RBFOX3: variants seen among roughly 807,000 people sequenced by gnomAD.
RBFOX3 encodes the protein RNA binding protein fox-1 homolog 3.
RBFOX3 carries 17 observed loss-of-function variants against 48.7 expected under a neutral mutation model. That is an observed-to-expected ratio of 0.35 (90% confidence interval 0.24 to 0.52). The LOEUF (loss-of-function observed/expected upper bound fraction) is 0.52, where lower values mean the gene tolerates loss of function less well. RBFOX3 is among the 20% of genes least tolerant of loss of function. The pLI is 0.94. For missense variants in RBFOX3, 382 were observed against 497.5 expected, an observed-to-expected ratio of 0.77 and a Z score of 2.21; for synonymous variants, 212 against 209.5, an observed-to-expected ratio of 1.01 and a Z score of -0.10.
chr17:79,176,633 C>T lies in RBFOX3; in HGVS notation c.-34+59133G>A, dbSNP rs370179948. ...CACAGCCCCCGACAAGCCAAGTCTGCCTGGTGGATGGGTTGGCTGGAGGGG... is the reference window on the plus strand; with the variant it reads ...CACAGCCCCCGACAAGCCAAGTCTGTCTGGTGGATGGGTTGGCTGGAGGGG... On this transcript the variant is annotated intron_variant, in intron 4 of 14. Coordinates refer to ENST00000693108, the MANE Select transcript of RBFOX3 (RefSeq NM_001350451.2). Among the ~76,000 whole-genome samples the T allele has an allele frequency of 4.6e-4, 70 of 152,282 alleles. 1 individual carries two copies. In the East Asian group the frequency reaches 0.011, roughly 24 times the overall value.
intron 3 of RBFOX3, among the ~76,000 whole-genome samples, chr17:79,248,793 C>T (rs1300860409): frequency 6.6e-6 from 1 of 152,216 alleles, no homozygotes; most frequent in Non-Finnish European, 1.5e-5. Flanking sequence ...GGGACTGAGG[C>T]TGGCAGGGAG....
At chr17:79,133,403 T>C (rs1163253885) in intron 4 of RBFOX3, among the ~76,000 whole-genome samples, 1 of 150,056 alleles carries the variant, frequency 6.7e-6, no homozygotes, top group African/African-American at 2.4e-5. Context: ...GAGCACCTAC[T>C]AGGTTTGCTG....
intron 1 of RBFOX3, among the ~76,000 whole-genome samples, chr17:79,569,853 A>G (rs2092602467): frequency 6.6e-6 from 1 of 152,174 alleles, no homozygotes; most frequent in South Asian, 2.1e-4. Flanking sequence ...GATAGTAGAG[A>G]AGGAATGGAC....
rs1248963230 is a variant in RBFOX3 at position 79,383,816 on chromosome 17, G to A, written c.-174-75992C>T. Among the ~76,000 whole-genome samples the A allele has an allele frequency of 3.9e-5, 6 of 152,206 alleles. No individual in the cohort carries two copies. The East Asian group carries it at 9.6e-4, about 24-fold the overall frequency. On this transcript the variant is annotated intron_variant, in intron 2 of 14. Transcript: ENST00000693108. ...TCCTGGCACACAACACCCGGGAGAT[G>A]CTGCTGGAAGAGCAGAAAGAGGCCT...
At chr17:79,519,561 A>T (rs2149973365) in intron 1 of RBFOX3, among the ~76,000 whole-genome samples, 1 of 151,110 alleles carries the variant, frequency 6.6e-6, no homozygotes, top group Admixed American at 6.6e-5. Context: ...TGCTGTCAGG[A>T]TCACAGCATC....
chr17:79,557,414 G>A (rs887656352), intron 1 of RBFOX3, among the ~76,000 whole-genome samples: 33 of 112,948 alleles, frequency 2.9e-4, no homozygotes, highest in African/African-American at 1.1e-3. Flanking sequence ...TCCAAACCCC[G>A]AGAAAACCCA....
intron 2 of RBFOX3, among the ~76,000 whole-genome samples, chr17:79,340,010 G>A (rs957856851): frequency 6.6e-6 from 1 of 152,158 alleles, no homozygotes; most frequent in African/African-American, 2.4e-5. Context: ...TTAAACTTCT[G>A]AGCATGGGCC....
intron 4 of RBFOX3, among the ~76,000 whole-genome samples, chr17:79,118,530 G>A (rs183658011): frequency 2.0e-5 from 3 of 152,248 alleles, no homozygotes; most frequent in East Asian, 3.9e-4. Context: ...CAGGAAAACA[G>A]GAGCAAGAGA....
chr17:79,274,762 G>T (rs1207768857), intron 3 of RBFOX3, among the ~76,000 whole-genome samples: 1 of 151,962 alleles, frequency 6.6e-6, no homozygotes, highest in Admixed American at 6.6e-5. Flanking sequence ...TCCCCTGCCT[G>T]CAGCTTCAGC....
At chr17:79,270,207 C>G (rs540485300) in intron 3 of RBFOX3, among the ~76,000 whole-genome samples, 4 of 152,300 alleles carry the variant, frequency 2.6e-5, no homozygotes, top group Admixed American at 1.3e-4. Flanking sequence ...TTTCCCAACT[C>G]CTCTGCCAGG....
At chr17:79,337,934 T>C (rs2081445972) in intron 2 of RBFOX3, among the ~76,000 whole-genome samples, 1 of 150,402 alleles carries the variant, frequency 6.6e-6, no homozygotes, top group African/African-American at 2.5e-5. Flanking sequence ...CTGGCATACT[T>C]CTCCAGATTT....
At chr17:79,496,256 C>T (rs2081522216) in intron 1 of RBFOX3, among the ~76,000 whole-genome samples, 1 of 152,004 alleles carries the variant, frequency 6.6e-6, no homozygotes, top group Non-Finnish European at 1.5e-5. Flanking sequence ...TCCTTGGCGT[C>T]CTGTTACAGC....
At position 79,451,961 on chromosome 17, in the gene RBFOX3, A is replaced by G. The variant is rs1025309518; in HGVS notation, c.-175+30493T>C. Among the ~76,000 whole-genome samples, 8 of 152,248 alleles carry G rather than the reference A, an allele frequency of 5.3e-5. 1 individual carries two copies. Among genetic ancestry groups the G allele is most frequent in the Admixed American group, 2.6e-4 (4 of 15,294 alleles). On this transcript the variant is annotated intron_variant, in intron 2 of 14. Coordinates refer to ENST00000693108, the MANE Select transcript of RBFOX3 (RefSeq NM_001350451.2). ...ACTGGCACCCTCATCCACACAAATT[A>G]CAGGGGGGTACCAACACCCGCAGGG... is the stretch of plus-strand genomic sequence containing the variant.
At chr17:79,170,949 C>T (rs1202711762) in intron 4 of RBFOX3, among the ~76,000 whole-genome samples, 2 of 152,172 alleles carry the variant, frequency 1.3e-5, no homozygotes, top group African/African-American at 4.8e-5. Flanking sequence ...GTCCTGTTCA[C>T]AGATCCACTG....
intron 4 of RBFOX3, among the ~76,000 whole-genome samples, chr17:79,183,910 T>TCCC (rs974688237): frequency 1.3e-5 from 2 of 151,074 alleles, no homozygotes; most frequent in Non-Finnish European, 2.9e-5. Context: ...GCGCCCCTCC[T>TCCC]CCCCCCCGTT....
intron 2 of RBFOX3, among the ~76,000 whole-genome samples, chr17:79,322,591 G>T (rs2078694607): frequency 6.6e-6 from 1 of 152,216 alleles, no homozygotes; most frequent in Non-Finnish European, 1.5e-5. Context: ...CAAAGGCAAT[G>T]GTGGCCAAGC....
chr17:79,156,905 T>C (rs2045933382), intron 4 of RBFOX3, among the ~76,000 whole-genome samples: 1 of 152,182 alleles, frequency 6.6e-6, no homozygotes, highest in African/African-American at 2.4e-5. Flanking sequence ...GGGGACTCTG[T>C]GCCCTTGGCT....
chr17:79,635,945 T>C, the RBFOX3 span, among the ~76,000 whole-genome samples: 1 of 152,210 alleles, frequency 6.6e-6, no homozygotes, highest in Non-Finnish European at 1.5e-5. Context: ...AAGACACCAT[T>C]TGATACATGG....
At chr17:79,200,673 T>C (rs1282811460) in intron 4 of RBFOX3, among the ~76,000 whole-genome samples, 1 of 152,144 alleles carries the variant, frequency 6.6e-6, no homozygotes, top group Non-Finnish European at 1.5e-5. Flanking sequence ...AGGAGAGCTC[T>C]GCTGGGCTGC....
Sources: allele counts gnomAD v4.1 joint callset (sites outside exome capture counted in the v4.1 genomes callset), GRCh38; gene constraint gnomAD v4.1.1; transcripts MANE v1.5; gene names NCBI Gene and HGNC (gene_info 2026-07-23, HGNC 2026-07-21).